The following DENND1B variants were observed in gnomAD, a reference collection of about 807,000 sequenced individuals.
DENND1B encodes DENN domain-containing protein 1B.
DENND1B carries 59 observed loss-of-function variants against 90.1 expected under a neutral mutation model. The observed-to-expected ratio is 0.65, with a 90% CI of 0.53 to 0.81. The LOEUF (loss-of-function observed/expected upper bound fraction) is 0.81, where lower values mean the gene tolerates loss of function less well. DENND1B is among the 40% of genes least tolerant of loss of function. The probability of loss-of-function intolerance (pLI) is 0.00; values close to 1 mark genes in which losing one functional copy is unlikely to be tolerated. For synonymous variants in DENND1B, 337 were observed against 324.6 expected (o/e 1.04, Z -0.41); for missense variants, 862 against 912.6 (o/e 0.94, Z 0.71).
At chr1:197,517,298 TGAAAA>T (rs774485375) in intron 20 of DENND1B, among the ~76,000 whole-genome samples, 2 of 151,794 alleles carry the variant, frequency 1.3e-5, no homozygotes, top group East Asian at 3.9e-4. Flanking sequence ...TATTTGCTGA[TGAAAA>T]GAAAAAAGGA....
intron 2 of DENND1B, among the ~76,000 whole-genome samples, chr1:197,724,016 T>C (rs1379057383): frequency 6.6e-6 from 1 of 152,134 alleles, no homozygotes; most frequent in Non-Finnish European, 1.5e-5. Context: ...ATCATGTTCA[T>C]ATTACACCAA....
intron 13 of DENND1B, chr1:197,605,682 T>C (rs1486883891): frequency 1.3e-5 from 2 of 151,112 alleles, no homozygotes; most frequent in African/African-American, 4.8e-5. Flanking sequence ...GCAAAAATTT[T>C]ATAATGAGGT....
At chr1:197,700,607 A>G (rs1229277762) in intron 3 of DENND1B, among the ~76,000 whole-genome samples, 2 of 152,146 alleles carry the variant, frequency 1.3e-5, no homozygotes, top group Non-Finnish European at 2.9e-5. Context: ...GATAAATGAG[A>G]TGTAATTAAA....
At chr1:197,735,254 C>T (rs1436183107) in intron 2 of DENND1B, 66 of 1,125,638 alleles carry the variant, frequency 5.9e-5, no homozygotes, top group Non-Finnish European at 7.1e-5. Flanking sequence ...GATTACAGTA[C>T]CAAATACATC....
intron 2 of DENND1B, among the ~76,000 whole-genome samples, chr1:197,719,194 G>A (rs919010670): frequency 6.6e-6 from 1 of 152,146 alleles, no homozygotes; most frequent in Non-Finnish European, 1.5e-5. Context: ...CTTAAGAAAG[G>A]ATACACAAAG....
chr1:197,521,661 T>C (rs1306233588), intron 20 of DENND1B, among the ~76,000 whole-genome samples: 1 of 151,916 alleles, frequency 6.6e-6, no homozygotes, highest in Non-Finnish European at 1.5e-5. Flanking sequence ...TAAATAATAA[T>C]GTATAATTAT....
chr1:197,769,300 C>T (rs1571688316), intron 2 of DENND1B, among the ~76,000 whole-genome samples: 1 of 152,170 alleles, frequency 6.6e-6, no homozygotes, highest in African/African-American at 2.4e-5. Flanking sequence ...TTTACCTCTA[C>T]CCCACCAATG....
chr1:197,607,786 C>T (rs1676824350), intron 12 of DENND1B, among the ~76,000 whole-genome samples: 1 of 150,566 alleles, frequency 6.6e-6, no homozygotes, highest in South Asian at 2.1e-4. Context: ...CTTGACTTGT[C>T]CCATTTGTTT....
intron 2 of DENND1B, among the ~76,000 whole-genome samples, chr1:197,754,206 CTG>C (rs1468348943): frequency 6.6e-6 from 1 of 151,974 alleles, no homozygotes; most frequent in Non-Finnish European, 1.5e-5. Flanking sequence ...TTGTGGAGAA[CTG>C]TGGTACACAG....
intron 20 of DENND1B, among the ~76,000 whole-genome samples, chr1:197,525,195 G>A (rs990385767): frequency 1.3e-5 from 2 of 152,010 alleles, no homozygotes; most frequent in African/African-American, 4.8e-5. Context: ...TTTAAAGATA[G>A]TTCATATGCC....
Position 197,755,469 on chromosome 1 carries a change from G to GA in DENND1B, c.82+17398dup, listed in dbSNP as rs1202696163. 6.0e-5 allele frequency among the ~76,000 whole-genome samples: 9 copies of GA among 149,458 alleles called. No homozygotes were observed. The East Asian group carries it at 1.2e-3, about 20-fold the overall frequency. ...AATGGTACAGGATGCCAAAACAAAA[G>GA]AAAAAAAAGATCGGACTTTTAAAAA... On this transcript the variant is annotated intron_variant, in intron 2 of 22. Coordinates refer to ENST00000620048, the MANE Select transcript of DENND1B (RefSeq NM_001195215.2).
chr1:197,671,754 A>G lies in DENND1B; in HGVS notation c.296+283T>C, dbSNP rs114511561. 4.4e-3 allele frequency among the ~76,000 whole-genome samples: 668 copies of G among 152,182 alleles called. 4 individuals carry two copies. Among genetic ancestry groups the G allele is most frequent in the Non-Finnish European group, 7.5e-3 (511 of 67,978 alleles). ...CTTATTTTTTTTTGTATTCCATTTA[A>G]TAGGTGAAACTCATATTATTTGAAT... On this transcript the variant is annotated intron_variant, in intron 5 of 22. Transcript: ENST00000620048.
intron 10 of DENND1B, among the ~76,000 whole-genome samples, chr1:197,627,711 T>C (rs1483894471): frequency 6.6e-6 from 1 of 152,032 alleles, no homozygotes; most frequent in Admixed American, 6.6e-5. Flanking sequence ...ATAAAGGGTA[T>C]TCAATTAGGA....
intron 3 of DENND1B, among the ~76,000 whole-genome samples, chr1:197,692,382 G>A (rs1657990310): frequency 1.3e-5 from 2 of 151,864 alleles, no homozygotes; most frequent in African/African-American, 4.8e-5. Flanking sequence ...TGCCAAAGCA[G>A]TTAGCATAGT....
intron 13 of DENND1B, chr1:197,606,355 T>C (rs1044158051): frequency 1.3e-5 from 2 of 151,122 alleles, no homozygotes; most frequent in African/African-American, 4.8e-5. Flanking sequence ...ACAGTTTTCG[T>C]CATTTCAAAA....
In DENND1B at chr1:197,504,859, G is replaced by A. The variant is rs1230901054; in HGVS notation, c.*5601C>T. ...TTTTTAAAAAAATTCCCAAAGCGAT[G>A]CTTTTATACACATCTTCCCAATAGT... On this transcript the variant is annotated 3_prime_UTR_variant, in exon 23 of 23. Coordinates refer to ENST00000620048, the MANE Select transcript of DENND1B (RefSeq NM_001195215.2). 6.6e-6 allele frequency: 1 copy of A among 151,722 alleles called. No individual in the cohort carries two copies. Among genetic ancestry groups the A allele is most frequent in the Non-Finnish European group, 1.5e-5 (1 of 67,826 alleles). The allele number at this position is 151,722 out of a possible 1,614,324, so 9.4% of individuals were successfully genotyped here. A position where few individuals can be genotyped will look rare whatever the true frequency, so the allele number is the denominator to read the frequency against.
intron 20 of DENND1B, among the ~76,000 whole-genome samples, chr1:197,520,098 G>T (rs1429247904): frequency 6.6e-6 from 1 of 151,804 alleles, no homozygotes; most frequent in African/African-American, 2.4e-5. Context: ...ATCTAATCAA[G>T]AAATATTTAT....
chr1:197,652,764 G>A (rs1653379589), intron 6 of DENND1B, among the ~76,000 whole-genome samples: 1 of 152,032 alleles, frequency 6.6e-6, no homozygotes, highest in African/African-American at 2.4e-5. Flanking sequence ...TTTCACTGAA[G>A]TGCAATGTAG....
At chr1:197,518,221 G>T (rs1241631126) in intron 20 of DENND1B, among the ~76,000 whole-genome samples, 1 of 151,874 alleles carries the variant, frequency 6.6e-6, no homozygotes, top group African/African-American at 2.4e-5. Flanking sequence ...TGTCTAGAAG[G>T]TCCTGTGGGG....
Sources: gnomAD v4.1 joint callset for allele counts (sites outside exome capture counted in the v4.1 genomes callset) on GRCh38, gnomAD v4.1.1 for gene constraint, MANE v1.5 for transcripts, NCBI Gene and HGNC (gene_info 2026-07-23, HGNC 2026-07-21) for gene names.